Variants in ZNF407 observed in about 807,000 individuals in gnomAD.
The protein encoded by ZNF407 is zinc finger protein 407.
A neutral mutation model predicts 131.2 loss-of-function variants in ZNF407; 17 were observed. The observed-to-expected ratio is 0.13, with a 90% CI of 0.09 to 0.19. ZNF407 has a LOEUF of 0.19. ZNF407 is among the 10% of genes least tolerant of loss of function. The probability of loss-of-function intolerance (pLI) is 1.00; values close to 1 mark genes in which losing one functional copy is unlikely to be tolerated. For synonymous variants in ZNF407, 1,156 were observed against 1,062.0 expected (o/e 1.09, Z -1.72); for missense variants, 2,681 against 2,830.6 (o/e 0.95, Z 1.20).
At chr18:74,957,940 C>T (rs1356836046) in intron 8 of ZNF407, among the ~76,000 whole-genome samples, 1 of 152,126 alleles carries the variant, frequency 6.6e-6, no homozygotes, top group African/African-American at 2.4e-5. Flanking sequence ...CCCACCTCTG[C>T]TTCCTTGTTA....
chr18:74,827,048 C>T (rs749566143), intron 4 of ZNF407, among the ~76,000 whole-genome samples: 7 of 152,238 alleles, frequency 4.6e-5, no homozygotes, highest in South Asian at 4.1e-4. Flanking sequence ...CCAGTTGTCA[C>T]GTCTTCCTTA....
At chr18:74,673,353 T>A (rs78285677) in intron 3 of ZNF407, among the ~76,000 whole-genome samples, 2,052 of 152,318 alleles carry the variant, frequency 0.013, 16 homozygotes, top group Non-Finnish European at 0.022. Context: ...CTCAGTCCAC[T>A]TCCTTGCCCT....
chr18:74,703,882 A>G lies in ZNF407; in HGVS notation c.4802+62760A>G, dbSNP rs1224931334. ...TTGAGATATGAGGTGGTAAATGTCA[A>G]TTTGTGCAATTTCTTTACATCATCA... On this transcript the variant is annotated intron_variant, in intron 3 of 8. Coordinates refer to ENST00000299687, the MANE Select transcript of ZNF407 (RefSeq NM_017757.3). This position sits in a 1 kb window ranked among gnomAD's most constrained non-coding sequence, Gnocchi z 4.1. 6.6e-6 allele frequency among the ~76,000 whole-genome samples: 1 copy of G among 152,128 alleles called. No homozygotes were observed. Among genetic ancestry groups the G allele is most frequent in the African/African-American group, 2.4e-5 (1 of 41,414 alleles).
At chr18:74,685,259 T>G (rs1284202108) in intron 3 of ZNF407, among the ~76,000 whole-genome samples, 9 of 152,298 alleles carry the variant, frequency 5.9e-5, no homozygotes, top group Non-Finnish European at 1.0e-4. Context: ...TAGGAGGAAT[T>G]CAGAATTGAT....
At chr18:74,931,342 C>T (rs570372794) in intron 8 of ZNF407, among the ~76,000 whole-genome samples, 39 of 152,270 alleles carry the variant, frequency 2.6e-4, no homozygotes, top group African/African-American at 9.1e-4. Context: ...ACATAAAGCA[C>T]TCTGTCACTC....
At chr18:74,697,451 A>G (rs1050636545) in intron 3 of ZNF407, among the ~76,000 whole-genome samples, 2 of 152,206 alleles carry the variant, frequency 1.3e-5, no homozygotes, top group African/African-American at 2.4e-5. Flanking sequence ...TTGTACTTTC[A>G]TATTCAGGCC....
intron 8 of ZNF407, among the ~76,000 whole-genome samples, chr18:75,004,176 G>A (rs374316123): frequency 1.2e-4 from 19 of 152,238 alleles, no homozygotes; most frequent in African/African-American, 3.1e-4. Flanking sequence ...TGGCCTCTCC[G>A]CGGTGCACGT....
At position 74,634,244 on chromosome 18, in the gene ZNF407, G is replaced by C; in HGVS notation, c.3225G>C (p.Gln1075His). 1 of 1,614,044 alleles carries C rather than the reference G, an allele frequency of 6.2e-7. No homozygotes were observed. Among genetic ancestry groups the C allele is most frequent in the Non-Finnish European group, 8.5e-7 (1 of 1,179,902 alleles). Reference protein sequence around the residue: ...AATEKHKMKRQSYLNSANVEA... With the variant: ...AATEKHKMKRHSYLNSANVEA... ...CAGAGAAGCACAAAATGAAAAGGCA[G>C]TCTTATCTCAACTCTGCTAATGTAG... The change falls in exon 2 of 9, where the codon CAG becomes CAC. Residue 1075 changes from glutamine to histidine, a missense_variant. Transcript: ENST00000299687.
intron 8 of ZNF407, chr18:75,062,825 GGTT>G (rs57080259): frequency 3.5e-5 from 8 of 226,176 alleles, no homozygotes; most frequent in African/African-American, 6.8e-5. Context: ...ACATGATGGT[GGTT>G]GGGGGGAGGT....
In ZNF407 at chr18:74,940,216, A is replaced by T. The variant is rs139204778; in HGVS notation, c.5428+19524A>T. ...GCTTGTTGTAGCCAGAGAGGCAGAC[A>T]TTGTATGGGAGCCACCAGTAGAGCA... On this transcript the variant is annotated intron_variant, in intron 8 of 8. Coordinates refer to ENST00000299687, the MANE Select transcript of ZNF407 (RefSeq NM_017757.3). Among the ~76,000 whole-genome samples, 421 of 152,302 alleles carry T rather than the reference A, an allele frequency of 2.8e-3. 1 individual carries two copies. Among genetic ancestry groups the T allele is most frequent in the African/African-American group, 9.3e-3 (385 of 41,564 alleles).
chr18:74,618,893 C>T (rs1051543557), intron 1 of ZNF407, among the ~76,000 whole-genome samples: 3 of 152,104 alleles, frequency 2.0e-5, no homozygotes, highest in Admixed American at 1.3e-4. Flanking sequence ...AATTTATGTT[C>T]CATATGTCTT....
At chr18:74,721,948 G>C (rs914410399) in intron 3 of ZNF407, among the ~76,000 whole-genome samples, 1 of 151,918 alleles carries the variant, frequency 6.6e-6, no homozygotes, top group African/African-American at 2.4e-5. Context: ...ACCTTCCATT[G>C]TTTGTCATAA....
In ZNF407 at chr18:74,936,638, A is replaced by T. The variant is rs568964118; in HGVS notation, c.5428+15946A>T. On this transcript the variant is annotated intron_variant, in intron 8 of 8. Coordinates refer to ENST00000299687, the MANE Select transcript of ZNF407 (RefSeq NM_017757.3). ...TTCTCTTGCTAAGCCAGCCGCAGGT[A>T]GGATCTTTGACTCTGTATGAACCTC... 1.1e-4 allele frequency among the ~76,000 whole-genome samples: 17 copies of T among 152,336 alleles called. No homozygotes were observed. The South Asian group carries it at 3.5e-3, about 32-fold the overall frequency.
At chr18:75,044,626 C>T (rs1015594872) in intron 8 of ZNF407, among the ~76,000 whole-genome samples, 1 of 152,132 alleles carries the variant, frequency 6.6e-6, no homozygotes, top group Non-Finnish European at 1.5e-5. Context: ...GTCACTATGG[C>T]CCGTGTCAAA....
At chr18:74,843,805 G>A (rs1048809938) in intron 4 of ZNF407, among the ~76,000 whole-genome samples, 8 of 152,154 alleles carry the variant, frequency 5.3e-5, no homozygotes, top group Non-Finnish European at 1.0e-4. Flanking sequence ...CCCTTGAAGG[G>A]ATAAGCCATG....
At chr18:74,757,244 A>T (rs1242586583) in intron 3 of ZNF407, among the ~76,000 whole-genome samples, 1 of 151,986 alleles carries the variant, frequency 6.6e-6, no homozygotes, top group Non-Finnish European at 1.5e-5. Flanking sequence ...CAAATGAGGC[A>T]GTAAGAATGG....
chr18:74,897,478 G>A (rs985270361), intron 7 of ZNF407, among the ~76,000 whole-genome samples: 2 of 152,284 alleles, frequency 1.3e-5, no homozygotes, highest in African/African-American at 4.8e-5. Context: ...TGCTGTTGTT[G>A]AATCGCAAAT....
chr18:74,974,648 T>A lies in ZNF407; in HGVS notation c.5428+53956T>A, dbSNP rs183023025. ...CCAATGATGAAGTAGATTATTTTTT[T>A]AAAAATTCTGTAAATTGTTTAGTAC... On this transcript the variant is annotated intron_variant, in intron 8 of 8. Transcript: ENST00000299687. Among the ~76,000 whole-genome samples the A allele has an allele frequency of 2.8e-3, 431 of 152,332 alleles. 2 individuals are homozygous for A. Among genetic ancestry groups the A allele is most frequent in the African/African-American group, 9.1e-3 (379 of 41,594 alleles).
At chr18:74,999,384 A>G (rs1307336121) in intron 8 of ZNF407, among the ~76,000 whole-genome samples, 1 of 150,800 alleles carries the variant, frequency 6.6e-6, no homozygotes, top group African/African-American at 2.4e-5. Flanking sequence ...AACAAAGGTA[A>G]AACTTAAGTA....
Sources: allele counts gnomAD v4.1 joint callset (sites outside exome capture counted in the v4.1 genomes callset), GRCh38; gene constraint gnomAD v4.1.1; non-coding constraint Gnocchi (gnomAD v3.1); transcripts MANE v1.5; gene names NCBI Gene and HGNC (gene_info 2026-07-23, HGNC 2026-07-21).